RORA: variants seen among roughly 807,000 people sequenced by gnomAD.
RORA encodes the protein RAR related orphan receptor A.
RORA carries 7 observed loss-of-function variants against 69.5 expected under a neutral mutation model. The observed-to-expected ratio is 0.10, with a 90% CI of 0.06 to 0.19. The LOEUF is 0.19. RORA is among the 10% of genes least tolerant of loss of function. The pLI, the probability that RORA is intolerant of heterozygous loss-of-function variation, is 1.00. For synonymous variants in RORA, 261 were observed against 240.8 expected, an observed-to-expected ratio of 1.08 and a Z score of -0.78; for missense variants, 457 against 663.0, an observed-to-expected ratio of 0.69 and a Z score of 3.41.
intron 2 of RORA, among the ~76,000 whole-genome samples, chr15:60,656,592 C>T (rs2070225414): frequency 1.3e-5 from 2 of 151,980 alleles, no homozygotes; most frequent in South Asian, 2.1e-4. Context: ...CAAGATTCCT[C>T]GAAACCAAGT....
At chr15:60,710,681 C>G (rs1202966995) in intron 1 of RORA, among the ~76,000 whole-genome samples, 1 of 152,114 alleles carries the variant, frequency 6.6e-6, no homozygotes, top group African/African-American at 2.4e-5. Context: ...ACCTGGCATG[C>G]ATTTACTCAC....
intron 2 of RORA, among the ~76,000 whole-genome samples, chr15:60,563,268 C>G (rs1295100375): frequency 2.0e-5 from 3 of 152,214 alleles, no homozygotes; most frequent in Non-Finnish European, 4.4e-5. Context: ...TGCCAGACAA[C>G]TGCTCAGCCT....
intron 1 of RORA, among the ~76,000 whole-genome samples, chr15:60,977,453 GTTT>G (rs931930189): frequency 6.6e-6 from 1 of 151,792 alleles, no homozygotes; most frequent in Non-Finnish European, 1.5e-5. Flanking sequence ...AGGTTTTCCT[GTTT>G]TTTTAATGAG....
intron 2 of RORA, among the ~76,000 whole-genome samples, chr15:60,596,452 G>A (rs1346145429): frequency 6.6e-6 from 1 of 152,120 alleles, no homozygotes; most frequent in African/African-American, 2.4e-5. Flanking sequence ...TTTAGGAGTT[G>A]AGCCATTCTG....
intron 1 of RORA, among the ~76,000 whole-genome samples, chr15:60,746,969 C>T (rs942754240): frequency 6.6e-6 from 1 of 152,160 alleles, no homozygotes; most frequent in Non-Finnish European, 1.5e-5. Flanking sequence ...CCGATCGACT[C>T]TAGTTAGTGT....
intron 1 of RORA, among the ~76,000 whole-genome samples, chr15:60,690,969 C>T (rs1022661162): frequency 6.6e-6 from 1 of 152,346 alleles, no homozygotes; most frequent in East Asian, 1.9e-4. Flanking sequence ...ACTCCTTCCA[C>T]AGTTAAGAGG....
intron 1 of RORA, among the ~76,000 whole-genome samples, chr15:61,002,263 T>C (rs1003550889): frequency 2.6e-4 from 39 of 152,138 alleles, no homozygotes. Context: ...AGCTTTCACC[T>C]CCCAAGGGAT....
chr15:61,164,289 C>A (rs2079522776), intron 1 of RORA, among the ~76,000 whole-genome samples: 1 of 152,182 alleles, frequency 6.6e-6, no homozygotes, highest in Admixed American at 6.5e-5. Context: ...CATAAATTAC[C>A]AGCAGCGGCT....
chr15:60,932,190 G>A (rs1892393986), intron 1 of RORA, among the ~76,000 whole-genome samples: 3 of 152,082 alleles, frequency 2.0e-5, no homozygotes, highest in African/African-American at 7.2e-5. Context: ...TACTAATGAG[G>A]GGAAAATCTG....
intron 1 of RORA, among the ~76,000 whole-genome samples, chr15:60,899,962 C>G (rs1891341216): frequency 6.6e-6 from 1 of 152,096 alleles, no homozygotes; most frequent in Non-Finnish European, 1.5e-5. Context: ...ATGCAAAGGC[C>G]AGTAAAGCAA....
intron 1 of RORA, among the ~76,000 whole-genome samples, chr15:60,833,295 A>C (rs981308437): frequency 6.6e-6 from 1 of 151,694 alleles, no homozygotes; most frequent in African/African-American, 2.4e-5. Context: ...CACTTACTGC[A>C]ACCTCCACCT....
intron 2 of RORA, among the ~76,000 whole-genome samples, chr15:60,616,737 C>G (rs28572480): frequency 8.6e-4 from 131 of 152,286 alleles, no homozygotes; most frequent in African/African-American, 3.1e-3. Flanking sequence ...GTGCGTTGCA[C>G]AAATAAGAAT....
intron 1 of RORA, among the ~76,000 whole-genome samples, chr15:60,850,206 C>G (rs1159492203): frequency 6.6e-6 from 1 of 152,044 alleles, no homozygotes; most frequent in African/African-American, 2.4e-5. Context: ...TGTTTAGGGT[C>G]GAAATAACAT....
chr15:60,604,579 C>T (rs28453685), intron 2 of RORA, among the ~76,000 whole-genome samples: 37,246 of 152,006 alleles, frequency 0.25, 4,690 homozygotes, highest in East Asian at 0.45. Context: ...GGAAACATAC[C>T]TGTCTTACTC....
In RORA at chr15:61,082,537, G is replaced by A. The variant is rs375622353; in HGVS notation, c.166+146516C>T. On this transcript the variant is annotated intron_variant, in intron 1 of 10. Transcript: ENST00000335670. The stretch of plus-strand genomic sequence containing the variant: ...CATACACAATAATACAGTATTTGCA[G>A]GATGCAAAACCTGCCCCTACAGAGG... Among the ~76,000 whole-genome samples, 185 of 152,234 alleles carry A rather than the reference G, an allele frequency of 1.2e-3. 2 individuals are homozygous for A. The South Asian group carries it at 0.017, about 14-fold the overall frequency.
intron 1 of RORA, among the ~76,000 whole-genome samples, chr15:61,059,581 T>C (rs2140532363): frequency 6.6e-6 from 1 of 152,322 alleles, no homozygotes; most frequent in East Asian, 1.9e-4. Flanking sequence ...TGCTTTGAGA[T>C]ACGTTATTGC....
At chr15:60,716,937 A>C (rs1449283781) in intron 1 of RORA, among the ~76,000 whole-genome samples, 1 of 152,168 alleles carries the variant, frequency 6.6e-6, no homozygotes, top group Non-Finnish European at 1.5e-5. Context: ...ACTGGTAAAC[A>C]TGTTTTCCTG....
At chr15:60,901,567 A>C (rs940134012) in intron 1 of RORA, among the ~76,000 whole-genome samples, 1 of 152,232 alleles carries the variant, frequency 6.6e-6, no homozygotes, top group African/African-American at 2.4e-5. Flanking sequence ...TTACACCCAA[A>C]TAACTTAACA....
intron 1 of RORA, among the ~76,000 whole-genome samples, chr15:61,218,671 A>AACACACAC (rs1289661510): frequency 3.4e-4 from 12 of 35,260 alleles, no homozygotes; most frequent in East Asian, 6.6e-4. Context: ...TTACTAATAT[A>AACACACAC]ACTCACACAC....
Sources: allele counts gnomAD v4.1 joint callset (sites outside exome capture counted in the v4.1 genomes callset), GRCh38; gene constraint gnomAD v4.1.1; transcripts MANE v1.5; gene names NCBI Gene and HGNC (gene_info 2026-07-23, HGNC 2026-07-21).